The following ZNF154 variants were observed in gnomAD, a reference collection of about 807,000 sequenced individuals.
ZNF154 encodes zinc finger protein 154.
Under a neutral mutation model 7.5 loss-of-function variants are expected in ZNF154, and 6 were observed. The ratio of observed to expected loss-of-function variants is 0.80; its 90% confidence interval spans 0.44 to 1.57. The LOEUF is 1.57. ZNF154 is among the 40% of genes most tolerant of loss of function. The pLI is 0.01. For synonymous variants in ZNF154, 187 were observed against 185.9 expected (o/e 1.01, Z -0.05); for missense variants, 485 against 531.4 (o/e 0.91, Z 0.86).
chr19:57,701,659 T>G lies in ZNF154; in HGVS notation c.1290A>C (p.Lys430Asn). ...TTTATCGACTATGAATTCTCTGATG[T>G]TTAATAAGGCTGGAGTTATGGCTAA... ...KSFSHNSSLIKHQRIHSR is the reference protein window; with the variant it reads ...KSFSHNSSLINHQRIHSR The change falls in exon 3 of 3, where the codon AAA (lysine) becomes AAC (asparagine). Residue 430 changes from lysine (K) to asparagine (N), a missense_variant. Coordinates refer to ENST00000684351, the MANE Select transcript of ZNF154 (RefSeq NM_001085384.3). 6.2e-7 allele frequency: 1 copy of G among 1,612,718 alleles called. No homozygotes were observed. The highest frequency in any genetic ancestry group is 8.5e-7 in the Non-Finnish European group (1 of 1,178,784).
At position 57,701,591 on chromosome 19, in the gene ZNF154, C is replaced by G; in HGVS notation, c.*44G>C. ...TTCACTGTGTACTCAAGGACTTTCTCCAGGGTGCTAACAGATTTTCCACAT... is the reference window on the plus strand; with the variant it reads ...TTCACTGTGTACTCAAGGACTTTCTGCAGGGTGCTAACAGATTTTCCACAT... On this transcript the variant is annotated 3_prime_UTR_variant, in exon 3 of 3. Transcript: ENST00000684351. 1 of 1,581,654 alleles carries G rather than the reference C, an allele frequency of 6.3e-7. No individual in the cohort carries two copies. The highest frequency in any genetic ancestry group is 8.6e-7 in the Non-Finnish European group (1 of 1,161,290).
chr19:57,705,643 A>G (rs1466217259), intron 1 of ZNF154, among the ~76,000 whole-genome samples: 1 of 151,896 alleles, frequency 6.6e-6, no homozygotes, highest in Non-Finnish European at 1.5e-5. Context: ...AATCCCAGCT[A>G]CTCAGGAGGC....
chr19:57,702,642 C>T lies in ZNF154; in HGVS notation c.307G>A (p.Gly103Arg). Residue 103 changes from glycine (G) to arginine (R), a missense_variant, in exon 3 of 3, where the codon GGA (glycine) becomes AGA (arginine). By Grantham distance (125) the Gly-to-Arg change is moderately radical. Transcript: ENST00000684351. ...TGAGCAGCCTGTTGATGGAGAAATC[C>T]CAACTTGGCCAGGAAGTCCTTCCCA... Reference protein sequence around the residue: ...EVGKDFLAKLGFLHQQAAHTG... With the variant: ...EVGKDFLAKLRFLHQQAAHTG... 3 of 1,613,952 alleles carry T rather than the reference C, an allele frequency of 1.9e-6. No individual in the cohort carries two copies. The highest frequency in any genetic ancestry group is 2.5e-6 in the Non-Finnish European group (3 of 1,179,980).
intron 2 of ZNF154, 100 bp downstream of exon 2, chr19:57,704,753 G>T: frequency 6.9e-7 from 1 of 1,459,346 alleles, no homozygotes; most frequent in Middle Eastern, 2.1e-4. Context: ...GAAAGAAGCA[G>T]AGCCCATAGT....
At position 57,697,057 on chromosome 19, in the gene ZNF154, T is replaced by C. The variant is rs1220984102; in HGVS notation, c.*4578A>G. Among the ~76,000 whole-genome samples, 1 of 152,232 alleles carries C rather than the reference T, an allele frequency of 6.6e-6. No homozygotes were observed. The highest frequency in any genetic ancestry group is 2.4e-5 in the African/African-American group (1 of 41,464). ...GTCAAATTCGTATTTGAGGACTTGT[T>C]GTTGTTTATCTTGAAAACGTGTGTA... On this transcript the variant is annotated 3_prime_UTR_variant, in exon 3 of 3. Coordinates refer to ENST00000684351, the MANE Select transcript of ZNF154 (RefSeq NM_001085384.3).
intron 2 of ZNF154, among the ~76,000 whole-genome samples, chr19:57,704,070 C>T (rs1216717183): frequency 6.6e-6 from 1 of 152,140 alleles, no homozygotes; most frequent in Non-Finnish European, 1.5e-5. Flanking sequence ...TTAGAAAGAA[C>T]TGCAGGTGTA....
At chr19:57,708,283 A>G (rs568538628) in intron 1 of ZNF154, among the ~76,000 whole-genome samples, 1 of 152,176 alleles carries the variant, frequency 6.6e-6, no homozygotes, top group East Asian at 1.9e-4. Context: ...AAACCCTAAC[A>G]TAGGGCGGGC....
rs1191037065 is a variant in ZNF154, at chr19:57,709,040, C to G, written c.-69G>C. ...TGGTAGGGACCCGGGGACAGCGGTC[C>G]CTATCCCAGGCCTGACGTGGGTCCC... On this transcript the variant is annotated 5_prime_UTR_variant, in exon 1 of 3. Transcript: ENST00000684351. 19 of 1,546,170 alleles carry G rather than the reference C, an allele frequency of 1.2e-5. No homozygotes were observed. The East Asian group carries it at 3.9e-4, about 32-fold the overall frequency.
intron 2 of ZNF154, among the ~76,000 whole-genome samples, chr19:57,703,065 G>T (rs1387698448): frequency 6.6e-6 from 1 of 152,210 alleles, no homozygotes; most frequent in Non-Finnish European, 1.5e-5. Flanking sequence ...CATTAACTAT[G>T]GTGGGAGGGG....
In ZNF154 at chr19:57,699,376, G is replaced by A. The variant is rs1046242396; in HGVS notation, c.*2259C>T. ...GCTGGGATTACAGGCGTGAGCCACC[G>A]CACCCGGCTGAGATTTTCTTACTTG... On this transcript the variant is annotated 3_prime_UTR_variant, in exon 3 of 3. Transcript: ENST00000684351. 1.3e-5 allele frequency: 3 copies of A among 224,230 alleles called. No homozygotes were observed. Among genetic ancestry groups the A allele is most frequent in the South Asian group, 5.1e-5 (1 of 19,438 alleles). 13.9% of individuals were successfully genotyped at this position (224,230 alleles called of 1,614,324 possible).
At position 57,702,499 on chromosome 19, in the gene ZNF154, C is replaced by T; in HGVS notation, c.450G>A (p.Gln150=). 1 of 1,614,236 alleles carries T rather than the reference C, an allele frequency of 6.2e-7. No individual in the cohort carries two copies. Among genetic ancestry groups the T allele is most frequent in the Non-Finnish European group, 8.5e-7 (1 of 1,180,044 alleles). Residue 150 remains glutamine, a synonymous_variant, in exon 3 of 3, where the codon CAG becomes CAA. Transcript: ENST00000684351. ...TTTCTGTAGTGAGGGTTCTCTGCTGCTGAACAAGTGTGTGTTTACCGCTGA... is the reference window on the plus strand; with the variant it reads ...TTTCTGTAGTGAGGGTTCTCTGCTGTTGAACAAGTGTGTGTTTACCGCTGA... ...KAFSGKHTLV[Q]QQRTLTTERC... is the part of the protein sequence containing the mutation.
Position 57,702,327 on chromosome 19 carries a change from G to A in ZNF154, c.622C>T (p.Arg208Trp), listed in dbSNP as rs760946726. 1.9e-5 allele frequency: 30 copies of A among 1,612,736 alleles called. No individual in the cohort carries two copies. In the East Asian group the frequency reaches 2.2e-4, roughly 12 times the overall value. ...FRQSSSLIQH[R>W]RVHTAVRPHE... is the part of the protein sequence containing the mutation. ...GGTCGTACTGCAGTGTGAACTCTCC[G>A]GTGCTGAATGAGACTAGAGCTTTGC... Residue 208 changes from arginine to tryptophan, a missense_variant, in exon 3 of 3, where the codon CGG becomes TGG. Transcript: ENST00000684351.
chr19:57,702,453 A>G lies in ZNF154; in HGVS notation c.496T>C (p.Cys166Arg). ...TAGCTTTTGCTAAAGGATTTCCCACATTCACTGCATATGTAACATCTTTCT... is the reference window on the plus strand; with the variant it reads ...TAGCTTTTGCTAAAGGATTTCCCACGTTCACTGCATATGTAACATCTTTCT... ...TTERCYICSE[C>R]GKSFSKSYSL... The change falls in exon 3 of 3, where the codon TGT (cysteine) becomes CGT (arginine). Residue 166 changes from cysteine to arginine, a missense_variant. Cys to Arg is a radical substitution (Grantham distance 180). Transcript: ENST00000684351. 6.2e-7 allele frequency: 1 copy of G among 1,614,224 alleles called. No homozygotes were observed. Among genetic ancestry groups the G allele is most frequent in the Non-Finnish European group, 8.5e-7 (1 of 1,180,036 alleles).
chr19:57,706,428 C>T (rs1346150717), intron 1 of ZNF154, among the ~76,000 whole-genome samples: 1 of 152,220 alleles, frequency 6.6e-6, no homozygotes, highest in African/African-American at 2.4e-5. Context: ...CACTGATCAC[C>T]TACCCCAGGC....
Position 57,701,728 on chromosome 19 carries a change from G to T in ZNF154, c.1221C>A (p.His407Gln), listed in dbSNP as rs371361867. Residue 407 changes from histidine to glutamine, a missense_variant, in exon 3 of 3, where the codon CAC becomes CAA. Transcript: ENST00000684351. ...TGCACTCATAAGGCTTCTCCCCAGTGTGAACCCTCCTGTGCTTAATGAGGC... is the reference window on the plus strand; with the variant it reads ...TGCACTCATAAGGCTTCTCCCCAGTTTGAACCCTCCTGTGCTTAATGAGGC... Reference protein sequence around the residue: ...NSGLIKHRRVHTGEKPYECTE... With the variant: ...NSGLIKHRRVQTGEKPYECTE... 1.9e-6 allele frequency: 3 copies of T among 1,614,036 alleles called. No individual in the cohort carries two copies. Among genetic ancestry groups the T allele is most frequent in the African/African-American group, 1.3e-5 (1 of 74,922 alleles).
Position 57,702,123 on chromosome 19 carries a change from T to C in ZNF154, c.826A>G (p.Ser276Gly). Residue 276 changes from serine (S) to glycine (G), a missense_variant, in exon 3 of 3, where the codon AGT becomes GGT. Physicochemically the swap from Ser to Gly is moderately conservative, Grantham distance 56. Transcript: ENST00000684351. ...VHTGERPYEC[S>G]ECGKFFTYHS... ...TATGTAAAAAACTTCCCACATTCAC[T>C]GCACTCATAAGGCCTCTCCCCAGTG... is the stretch of plus-strand genomic sequence containing the variant. 6.2e-7 allele frequency: 1 copy of C among 1,613,340 alleles called. No individual in the cohort carries two copies. The highest frequency in any genetic ancestry group is 8.5e-7 in the Non-Finnish European group (1 of 1,179,908).
At position 57,702,185 on chromosome 19, in the gene ZNF154, C is replaced by T. The variant is rs1385527187; in HGVS notation, c.764G>A (p.Ser255Asn). ...ATGTTGAAGGAGTGCAGACCTTTGG[C>T]TAAAGGATTTCCCACATTCACTGCA... Reference protein sequence around the residue: ...YECSECGKSFSQRSALLQHRG... With the variant: ...YECSECGKSFNQRSALLQHRG... The change falls in exon 3 of 3, where the codon AGC becomes AAC. Residue 255 changes from serine (S) to asparagine (N), a missense_variant. Coordinates refer to ENST00000684351, the MANE Select transcript of ZNF154 (RefSeq NM_001085384.3). 5.0e-6 allele frequency: 8 copies of T among 1,613,488 alleles called. No individual in the cohort carries two copies. Among genetic ancestry groups the T allele is most frequent in the African/African-American group, 1.3e-5 (1 of 74,714 alleles).
chr19:57,702,268 G>A lies in ZNF154; in HGVS notation c.681C>T (p.Ser227=). The A allele has an allele frequency of 6.2e-7, 1 of 1,614,134 alleles. No homozygotes were observed. Among genetic ancestry groups the A allele is most frequent in the Non-Finnish European group, 8.5e-7 (1 of 1,180,020 alleles). ...GATGTTTAATGAGGTTAGACTTGTT[G>A]CTAAATAATTTTCCACATTCATCAC... ...HECDECGKLF[S]NKSNLIKHRR... The change falls in exon 3 of 3, where the codon AGC becomes AGT. Residue 227 remains serine, a synonymous_variant. Transcript: ENST00000684351.
intron 2 of ZNF154, 90 bp from the exon 3 acceptor site, chr19:57,702,878 A>C: frequency 7.7e-7 from 1 of 1,295,496 alleles, no homozygotes; most frequent in Non-Finnish European, 1.1e-6. Flanking sequence ...CAAGAGCAAA[A>C]TGTCTCTCAA....
Sources: allele counts gnomAD v4.1 joint callset (sites outside exome capture counted in the v4.1 genomes callset), GRCh38; gene constraint gnomAD v4.1.1; transcripts MANE v1.5; gene names NCBI Gene and HGNC (gene_info 2026-07-23, HGNC 2026-07-21).